The following ABHD17B variants were observed in gnomAD, a reference collection of about 807,000 sequenced individuals.
ABHD17B encodes the protein alpha/beta hydrolase domain-containing protein 17B.
In ABHD17B, 9 loss-of-function variants were observed where a neutral mutation model predicts 26.2. The ratio of observed to expected loss-of-function variants is 0.34; its 90% CI spans 0.21 to 0.60. The LOEUF is 0.60. Ranked by LOEUF, ABHD17B falls within the 20% of genes least tolerant of loss-of-function variation. The probability of loss-of-function intolerance (pLI) is 0.80; values close to 1 mark genes in which losing one functional copy is unlikely to be tolerated. For synonymous variants in ABHD17B, 127 were observed against 122.3 expected, an observed-to-expected ratio of 1.04 and a Z score of -0.25; for missense variants, 224 against 352.1, an observed-to-expected ratio of 0.64 and a Z score of 2.91.
intron 2 of ABHD17B, among the ~76,000 whole-genome samples, chr9:71,872,465 A>AT (rs1298415191): frequency 1.3e-5 from 2 of 152,260 alleles, no homozygotes; most frequent in Non-Finnish European, 1.5e-5. Flanking sequence ...AAAAAATGGG[A>AT]TTTTTTCATA....
intron 1 of ABHD17B, among the ~76,000 whole-genome samples, chr9:71,885,485 C>A (rs1826581528): frequency 6.7e-6 from 1 of 149,140 alleles, no homozygotes; most frequent in Non-Finnish European, 1.5e-5. Flanking sequence ...AAGGGGGTCA[C>A]CTCAATGTTA....
chr9:71,871,612 A>C (rs996476151), intron 2 of ABHD17B, among the ~76,000 whole-genome samples: 1 of 152,230 alleles, frequency 6.6e-6, no homozygotes, highest in Non-Finnish European at 1.5e-5. Context: ...GACAATGCTC[A>C]AGGATAGAGT....
intron 1 of ABHD17B, among the ~76,000 whole-genome samples, chr9:71,895,746 G>C (rs1263244957): frequency 6.6e-6 from 1 of 152,046 alleles, no homozygotes; most frequent in Non-Finnish European, 1.5e-5. Context: ...ACCTGACTTT[G>C]GACAAACCCT....
At chr9:71,896,492 A>G (rs1826959379) in intron 1 of ABHD17B, among the ~76,000 whole-genome samples, 2 of 152,146 alleles carry the variant, frequency 1.3e-5, no homozygotes, top group Non-Finnish European at 2.9e-5. Context: ...GTTCTTGGTA[A>G]CTTAGAGATA....
chr9:71,897,992 A>C (rs1827008154), intron 1 of ABHD17B, among the ~76,000 whole-genome samples: 1 of 152,020 alleles, frequency 6.6e-6, no homozygotes, highest in African/African-American at 2.4e-5. Flanking sequence ...CTTTTCATAC[A>C]TTTTTTTTCA....
rs111929106 is a variant in ABHD17B, at chr9:71,883,936, CA to C, written c.-3-8854del. Among the ~76,000 whole-genome samples the C allele has an allele frequency of 6.9e-3, 904 of 130,076 alleles. 4 individuals carry two copies. The highest frequency in any genetic ancestry group is 0.011 in the Non-Finnish European group (679 of 60,556). 85.3% of individuals were successfully genotyped at this position (130,076 alleles called of 152,430 possible). A position where few individuals can be genotyped will look rare whatever the true frequency, so the allele number is the denominator to read the frequency against. The stretch of plus-strand genomic sequence containing the variant: ...TGGGTGACAGAGCAAGACTCTGTCT[CA>C]AAAAAAAAAAGAAAGAGAAAAGATA... On this transcript the variant is annotated intron_variant, in intron 1 of 3. Transcript: ENST00000333421.
intron 1 of ABHD17B, among the ~76,000 whole-genome samples, chr9:71,909,450 AT>A (rs1261328427): frequency 6.6e-6 from 1 of 152,236 alleles, no homozygotes; most frequent in Non-Finnish European, 1.5e-5. Context: ...CTATCATTAG[AT>A]GTCACCCAAC....
chr9:71,863,276 T>C (rs1194713670), downstream of ABHD17B, among the ~76,000 whole-genome samples: 1 of 152,200 alleles, frequency 6.6e-6, no homozygotes, highest in African/African-American at 2.4e-5. Flanking sequence ...ATATGAGCCA[T>C]TACGTGTGAG....
At chr9:71,891,604 T>G in intron 1 of ABHD17B, among the ~76,000 whole-genome samples, 1 of 152,216 alleles carries the variant, frequency 6.6e-6, no homozygotes, top group African/African-American at 2.4e-5. Flanking sequence ...CCTTTATATT[T>G]GTGTAAGCCT....
chr9:71,903,551 A>G (rs544719155), intron 1 of ABHD17B, among the ~76,000 whole-genome samples: 1 of 152,350 alleles, frequency 6.6e-6, no homozygotes, highest in African/African-American at 2.4e-5. Context: ...CAAAGATGAC[A>G]TATGGTAATT....
chr9:71,874,461 C>T (rs905588561), intron 2 of ABHD17B, among the ~76,000 whole-genome samples, 153 bp downstream of exon 2: 8 of 152,134 alleles, frequency 5.3e-5, no homozygotes, highest in Admixed American at 6.5e-5. Context: ...TTTAAAATTG[C>T]TGTCTAAAAT....
chr9:71,909,922 C>T (rs1218481977), intron 1 of ABHD17B, among the ~76,000 whole-genome samples: 1 of 151,710 alleles, frequency 6.6e-6, no homozygotes, highest in Non-Finnish European at 1.5e-5. Flanking sequence ...CTTTCCTTCA[C>T]GAGAGCCCCC....
chr9:71,902,206 G>A (rs1827164297), intron 1 of ABHD17B, among the ~76,000 whole-genome samples: 1 of 152,130 alleles, frequency 6.6e-6, no homozygotes, highest in South Asian at 2.1e-4. Context: ...AGTCTCCCCT[G>A]ACCCGTGCCC....
chr9:71,883,830 G>A lies in ABHD17B; in HGVS notation c.-3-8747C>T, dbSNP rs138663151. On this transcript the variant is annotated intron_variant, in intron 1 of 3. Transcript: ENST00000333421. ...CGCGTGCCTGTAATCCCAGCTACTC[G>A]GGAGGCTGAGGCAGAAGAATCACTT... Among the ~76,000 whole-genome samples, 726 of 152,070 alleles carry A rather than the reference G, an allele frequency of 4.8e-3. 7 individuals carry two copies. The highest frequency in any genetic ancestry group is 0.017 in the African/African-American group (693 of 41,458).
Position 71,874,974 on chromosome 9 carries a change from G to A in ABHD17B, c.107C>T (p.Thr36Ile). The A allele has an allele frequency of 6.2e-7, 1 of 1,614,200 alleles. No homozygotes were observed. The highest frequency in any genetic ancestry group is 8.5e-7 in the Non-Finnish European group (1 of 1,180,030). The change falls in exon 2 of 4, where the codon ACA becomes ATA. Residue 36 changes from threonine (T) to isoleucine (I), a missense_variant. Transcript: ENST00000333421. ...LAFLPPDPTY[T>I]LMCDESGSRW... ...GCTTCCGCTTTCATCACACATCAGTGTGTAAGTTGGATCAGGTGGCAAAAA... is the reference window on the plus strand; with the variant it reads ...GCTTCCGCTTTCATCACACATCAGTATGTAAGTTGGATCAGGTGGCAAAAA...
At chr9:71,875,127 T>C (rs1227127499) in intron 1 of ABHD17B, 44 bp from the exon 2 acceptor site, 7 of 1,451,838 alleles carry the variant, frequency 4.8e-6, no homozygotes, top group Non-Finnish European at 6.6e-6. Flanking sequence ...TAACTGAATG[T>C]AGACTCATAC....
downstream of ABHD17B, chr9:71,865,097 T>C (rs1472959037): frequency 1.8e-5 from 17 of 948,618 alleles, no homozygotes; most frequent in Non-Finnish European, 2.1e-5. Context: ...GTAATTTTTT[T>C]TCACTCTTTC....
In ABHD17B at chr9:71,865,192, C is replaced by T; in HGVS notation, c.*1595G>A. The T allele has an allele frequency of 1.0e-6, 1 of 985,490 alleles. No homozygotes were observed. The highest frequency in any genetic ancestry group is 1.2e-6 in the Non-Finnish European group (1 of 829,926). The allele number at this position is 985,490 out of a possible 1,614,324, so 61.0% of individuals were successfully genotyped here. ...TTGTTTTACTGTTAATTTGACACATCTGAACCAAAGCATTCACAATACTTG... is the reference window on the plus strand; with the variant it reads ...TTGTTTTACTGTTAATTTGACACATTTGAACCAAAGCATTCACAATACTTG... On this transcript the variant is annotated 3_prime_UTR_variant, in exon 4 of 4. Coordinates refer to ENST00000333421, the MANE Select transcript of ABHD17B (RefSeq NM_001025780.3).
Position 71,865,949 on chromosome 9 carries a change from TTCATACA to T in ABHD17B, c.*831_*837del. 2.0e-6 allele frequency: 2 copies of T among 985,384 alleles called. No homozygotes were observed. Among genetic ancestry groups the T allele is most frequent in the Non-Finnish European group, 2.4e-6 (2 of 829,894 alleles). 61.0% of individuals were successfully genotyped at this position (985,384 alleles called of 1,614,324 possible). ...AGATCAACTCATGGACTTTCGGGAT[TTCATACA>T]ATGAAGACTACTGCAATTCTATGAA... On this transcript the variant is annotated 3_prime_UTR_variant, in exon 4 of 4. Coordinates refer to ENST00000333421, the MANE Select transcript of ABHD17B (RefSeq NM_001025780.3).
Sources: allele counts gnomAD v4.1 joint callset (sites outside exome capture counted in the v4.1 genomes callset), GRCh38; gene constraint gnomAD v4.1.1; transcripts MANE v1.5; gene names NCBI Gene and HGNC (gene_info 2026-07-23, HGNC 2026-07-21).